Variants in PTK6 observed in about 807,000 individuals in gnomAD.
PTK6 encodes the protein protein-tyrosine kinase 6.
Under a neutral mutation model 47.5 loss-of-function variants are expected in PTK6, and 47 were observed. That is an observed-to-expected ratio of 0.99 (90% CI 0.78 to 1.26). PTK6 has a LOEUF of 1.26. Among genes scored for constraint, PTK6 ranks in the 50% most tolerant of loss-of-function variants. PTK6 has a pLI of 0.00. For synonymous variants in PTK6, 287 were observed against 276.5 expected (o/e 1.04, Z -0.38); for missense variants, 618 against 625.3 (o/e 0.99, Z 0.12).
At chr20:63,532,766 C>A in intron 4 of PTK6, 79 bp from the exon 5 acceptor site, 1 of 1,528,734 alleles carries the variant, frequency 6.5e-7, no homozygotes, top group Non-Finnish European at 8.8e-7. Flanking sequence ...CCTGCCCCCA[C>A]ACACAGCAGC....
chr20:63,528,413 T>A lies in PTK6; in HGVS notation c.*1123A>T, dbSNP rs1025449488. 8 of 148,160 alleles carry A rather than the reference T, an allele frequency of 5.4e-5. No individual in the cohort carries two copies. The highest frequency in any genetic ancestry group is 2.0e-4 in the African/African-American group (8 of 40,244). 9.2% of individuals were successfully genotyped at this position (148,160 alleles called of 1,614,324 possible). A position where few individuals can be genotyped will look rare whatever the true frequency, so the allele number is the denominator to read the frequency against. On this transcript the variant is annotated 3_prime_UTR_variant, in exon 8 of 8. Transcript: ENST00000542869. ...TTATTTTTCTTTCTTTCTTTTTTTT[T>A]TTTTTTTTTTTGAGATGGAGTCTCG...
Position 63,530,344 on chromosome 20 carries a change from C to T in PTK6, c.1015-113G>A. 2.9e-6 allele frequency: 4 copies of T among 1,377,806 alleles called. No individual in the cohort carries two copies. The South Asian group carries it at 5.3e-5, about 18-fold the overall frequency. 85.3% of individuals were successfully genotyped at this position (1,377,806 alleles called of 1,614,324 possible). On this transcript the variant is annotated intron_variant, in intron 6 of 7. Transcript: ENST00000542869. The surrounding 1 kb of genome is among the most constrained non-coding windows in gnomAD (Gnocchi z 4.1). ...CAGCAGTGGGACGGTGATGACCCCA[C>T]TGTCTGACCCACGCACGGCCGCTGC...
At position 63,532,580 on chromosome 20, in the gene PTK6, C is replaced by T. The variant is rs760464024; in HGVS notation, c.778G>A (p.Val260Met). Reference sequence around the variant, plus strand: ...GCCATGAGCTCCGTGATGATGTACACGGGGTCCCCCACGGACACCACGGCG... The same window carrying T: ...GCCATGAGCTCCGTGATGATGTACATGGGGTCCCCCACGGACACCACGGCG... ...LYAVVSVGDP[V>M]YIITELMAKG... is the part of the protein sequence containing the mutation. Residue 260 changes from valine to methionine, a missense_variant, in exon 5 of 8, where the codon GTG becomes ATG. Physicochemically the swap from Val to Met is conservative, Grantham distance 21. Coordinates refer to ENST00000542869, the MANE Select transcript of PTK6 (RefSeq NM_005975.4). 34 of 1,613,994 alleles carry T rather than the reference C, an allele frequency of 2.1e-5. No homozygotes were observed. Among genetic ancestry groups the T allele is most frequent in the East Asian group, 1.3e-4 (6 of 44,894 alleles).
intron 5 of PTK6, among the ~76,000 whole-genome samples, chr20:63,532,232 TTG>T (rs1353251863): frequency 1.3e-5 from 2 of 148,296 alleles, no homozygotes; most frequent in African/African-American, 5.1e-5. Context: ...GTGATCTGTT[TTG>T]TGTGTCTCTG....
intron 5 of PTK6, among the ~76,000 whole-genome samples, chr20:63,531,943 C>G (rs192794576): frequency 1.4e-3 from 209 of 152,372 alleles, no homozygotes; most frequent in African/African-American, 4.8e-3. Flanking sequence ...CAGTGTAGCT[C>G]TCCTCAGACA....
At chr20:63,534,069 C>T (rs1428175719) in intron 3 of PTK6, 83 bp downstream of exon 3, 34 of 1,449,948 alleles carry the variant, frequency 2.3e-5, no homozygotes, top group Middle Eastern at 5.0e-4. Context: ...CCATGCTGCC[C>T]GGCCAACCTC....
Position 63,529,405 on chromosome 20 carries a change from C to A in PTK6, c.*131G>T. 3.8e-6 allele frequency: 4 copies of A among 1,046,280 alleles called. No homozygotes were observed. The highest frequency in any genetic ancestry group is 5.3e-6 in the Non-Finnish European group (4 of 754,456). 64.8% of individuals were successfully genotyped at this position (1,046,280 alleles called of 1,614,324 possible). On this transcript the variant is annotated 3_prime_UTR_variant, in exon 8 of 8. Coordinates refer to ENST00000542869, the MANE Select transcript of PTK6 (RefSeq NM_005975.4). The surrounding 1 kb of genome is among the most constrained non-coding windows in gnomAD (Gnocchi z 5.6). Reference sequence around the variant, plus strand: ...GCGTGTATTGGACGCAGACACTCCACATTTGTGAACCTTTCCTGCACCCAT... The same window carrying A: ...GCGTGTATTGGACGCAGACACTCCAAATTTGTGAACCTTTCCTGCACCCAT...
chr20:63,535,100 C>T (rs2082654574), intron 1 of PTK6, 41 bp from the exon 2 acceptor site: 1 of 1,556,364 alleles, frequency 6.4e-7, no homozygotes, highest in Non-Finnish European at 8.7e-7. Context: ...CCTGGGCCCA[C>T]CCCACGTGGA....
chr20:63,535,886 C>G (rs1423271211), intron 1 of PTK6, among the ~76,000 whole-genome samples: 2 of 28,166 alleles, frequency 7.1e-5, no homozygotes, highest in African/African-American at 1.5e-4. Flanking sequence ...CTCCCGCCCC[C>G]TCCTCACCTG....
At chr20:63,532,419 C>A in intron 5 of PTK6, 107 bp downstream of exon 5, 1 of 1,380,520 alleles carries the variant, frequency 7.2e-7, no homozygotes, top group South Asian at 1.3e-5. Flanking sequence ...GTCTGTGTGT[C>A]TGTGTGTCTA....
Position 63,533,583 on chromosome 20 carries a change from C to A in PTK6, c.638G>T (p.Arg213Leu), listed in dbSNP as rs1389618552. 2.5e-6 allele frequency: 4 copies of A among 1,612,974 alleles called. No individual in the cohort carries two copies. ...GEVFEGLWKD[R>L]VQVAIKVISR... ...AATCACCTTAATGGCCACCTGGACC[C>A]GGTCTTTCCAGAGCCCCTCGAAGAC... is the stretch of plus-strand genomic sequence containing the variant. The change falls in exon 4 of 8, where the codon CGG (arginine) becomes CTG (leucine). Residue 213 changes from arginine to leucine, a missense_variant. Arg to Leu is a moderately radical substitution (Grantham distance 102, BLOSUM62 -2). Coordinates refer to ENST00000542869, the MANE Select transcript of PTK6 (RefSeq NM_005975.4). The surrounding 1 kb of genome is among the most constrained non-coding windows in gnomAD (Gnocchi z 4.0).
In PTK6 at chr20:63,537,270, G is replaced by A. The variant is rs1157653093; in HGVS notation, c.45C>T (p.Gly15=). The change falls in exon 1 of 8, where the codon GGC becomes GGT. Residue 15 remains glycine (G), a synonymous_variant. Coordinates refer to ENST00000542869, the MANE Select transcript of PTK6 (RefSeq NM_005975.4). ...DQAHLGPKYV[G]LWDFKSRTDE... ...CCGTCCGGGACTTGAAGTCCCAGAG[G>A]CCCACATACTTGGGGCCCAGGTGAG... 4 of 1,612,308 alleles carry A rather than the reference G, an allele frequency of 2.5e-6. No individual in the cohort carries two copies. The highest frequency in any genetic ancestry group is 2.2e-5 in the South Asian group (2 of 91,012).
intron 5 of PTK6, among the ~76,000 whole-genome samples, 184 bp from the exon 6 acceptor site, chr20:63,531,111 G>A (rs185663706): frequency 6.6e-4 from 100 of 152,270 alleles, no homozygotes; most frequent in Non-Finnish European, 1.3e-3. Context: ...CCTTCTGGAA[G>A]GCAACTGTTT....
chr20:63,532,416 T>G (rs1354006198), intron 5 of PTK6, 110 bp downstream of exon 5: 4 of 1,360,620 alleles, frequency 2.9e-6, no homozygotes, highest in East Asian at 4.6e-5. Context: ...TGTGTCTGTG[T>G]GTCTGTGTGT....
Position 63,537,146 on chromosome 20 carries a change from C to T in PTK6, c.169G>A (p.Val57Met), listed in dbSNP as rs771660336. Residue 57 changes from valine (V) to methionine (M), a missense_variant, in exon 1 of 8, where the codon GTG becomes ATG. Physicochemically the swap from Val to Met is conservative, Grantham distance 21 (BLOSUM62 1). Transcript: ENST00000542869. ...TTGTGGGGCACATAGCCCTGGGCCA[C>T]GGCCCCACCCGCCTCGTCCAGCAGC... is the stretch of plus-strand genomic sequence containing the variant. ...ATLLDEAGGA[V>M]AQGYVPHNYL... 29 of 1,609,930 alleles carry T rather than the reference C, an allele frequency of 1.8e-5. No individual in the cohort carries two copies. The highest frequency in any genetic ancestry group is 1.6e-4 in the Middle Eastern group (1 of 6,072).
rs1231901606 is a variant in PTK6 at position 63,530,862 on chromosome 20, T to C, written c.898A>G (p.Met300Val). 6.2e-7 allele frequency: 1 copy of C among 1,613,876 alleles called. No homozygotes were observed. Among genetic ancestry groups the C allele is most frequent in the Non-Finnish European group, 8.5e-7 (1 of 1,179,944 alleles). ...TAATTCTGCGACTCCAGGTAACACA[T>C]GCCCTCAGCCACCTGCCAGGCGATG... ...LDIAWQVAEG[M>V]CYLESQNYIH... Residue 300 changes from methionine to valine, a missense_variant, in exon 6 of 8, where the codon ATG becomes GTG. Transcript: ENST00000542869. The surrounding 1 kb of genome is among the most constrained non-coding windows in gnomAD (Gnocchi z 4.1).
rs1219293745 is a variant in PTK6 at position 63,529,952 on chromosome 20, T to G, written c.1168+126A>C. On this transcript the variant is annotated intron_variant, in intron 7 of 7. Coordinates refer to ENST00000542869, the MANE Select transcript of PTK6 (RefSeq NM_005975.4). This position sits in a 1 kb window ranked among gnomAD's most constrained non-coding sequence, Gnocchi z 5.6. ...CTCAGAGAATGGTGCAGGTGTGGAG[T>G]TCAGGCGATGGCCCGCGGAGGGCCC... 2.4e-6 allele frequency: 3 copies of G among 1,263,228 alleles called. No individual in the cohort carries two copies. The highest frequency in any genetic ancestry group is 2.4e-5 in the Admixed American group (1 of 42,354). 78.3% of individuals were successfully genotyped at this position (1,263,228 alleles called of 1,614,324 possible).
chr20:63,534,029 G>A (rs2082645066), intron 3 of PTK6, 123 bp downstream of exon 3: 1 of 1,300,718 alleles, frequency 7.7e-7, no homozygotes, highest in South Asian at 1.5e-5. Context: ...TCCCTCCAGT[G>A]GGCCCCAGGT....
intron 5 of PTK6, among the ~76,000 whole-genome samples, chr20:63,531,443 T>G (rs1307098680): frequency 4.9e-5 from 4 of 81,718 alleles, no homozygotes; most frequent in Admixed American, 1.5e-4. Flanking sequence ...AAAAAATATA[T>G]ATATATATAT....
Sources: gnomAD v4.1 joint callset for allele counts (sites outside exome capture counted in the v4.1 genomes callset) on GRCh38, gnomAD v4.1.1 for gene constraint, Gnocchi (gnomAD v3.1) non-coding constraint, MANE v1.5 for transcripts, NCBI Gene and HGNC (gene_info 2026-07-23, HGNC 2026-07-21) for gene names.